RBFOX1: variants seen among roughly 807,000 people sequenced by gnomAD.
RBFOX1 encodes RNA binding fox-1 homolog 1.
A neutral mutation model predicts 57.7 loss-of-function variants in RBFOX1; 8 were observed. The ratio of observed to expected loss-of-function variants is 0.14; its 90% CI spans 0.08 to 0.25. The LOEUF is 0.25. Among genes scored for constraint, RBFOX1 ranks in the 10% least tolerant of loss-of-function variants. RBFOX1 has a pLI of 1.00. For synonymous variants in RBFOX1, 326 were observed against 222.4 expected, an observed-to-expected ratio of 1.47 and a Z score of -4.15; for missense variants, 611 against 548.5, an observed-to-expected ratio of 1.11 and a Z score of -1.14.
intron 5 of RBFOX1, among the ~76,000 whole-genome samples, chr16:7,571,505 A>G (rs1181194868): frequency 6.6e-6 from 1 of 152,196 alleles, no homozygotes; most frequent in African/African-American, 2.4e-5. Context: ...GTTCTTTATT[A>G]AGGTCTTTGT....
chr16:6,040,026 A>G (rs2152412869), intron 1 of RBFOX1, among the ~76,000 whole-genome samples: 1 of 152,322 alleles, frequency 6.6e-6, no homozygotes, highest in East Asian at 1.9e-4. Context: ...GGAGAGAGAG[A>G]GAGTCCATGA....
At chr16:6,978,343 G>A (rs958950711) in intron 3 of RBFOX1, among the ~76,000 whole-genome samples, 7 of 152,156 alleles carry the variant, frequency 4.6e-5, no homozygotes, top group Non-Finnish European at 1.0e-4. Context: ...TCTATTTTGG[G>A]CTGGTCTTTA....
chr16:7,623,599 T>C (rs2059636857), intron 10 of RBFOX1, among the ~76,000 whole-genome samples: 1 of 152,196 alleles, frequency 6.6e-6, no homozygotes, highest in Non-Finnish European at 1.5e-5. Flanking sequence ...GAGGAGCGGC[T>C]GTCAATACAC....
At chr16:5,895,898 G>A (rs1347828095) in intron 4 of RBFOX1, among the ~76,000 whole-genome samples, 1 of 152,132 alleles carries the variant, frequency 6.6e-6, no homozygotes, top group African/African-American at 2.4e-5. Flanking sequence ...ATGTTCCCAA[G>A]AGGCACATTT....
intron 3 of RBFOX1, among the ~76,000 whole-genome samples, chr16:6,916,803 CG>C (rs2153446423): frequency 1.3e-5 from 2 of 152,188 alleles, no homozygotes; most frequent in South Asian, 4.2e-4. Flanking sequence ...GTTCAAACTT[CG>C]AAGTTTGAAT....
intron 1 of RBFOX1, among the ~76,000 whole-genome samples, chr16:5,242,058 G>A (rs1326682359): frequency 6.6e-6 from 1 of 152,108 alleles, no homozygotes; most frequent in Non-Finnish European, 1.5e-5. Context: ...CAGCTGCAGT[G>A]AGCTGTCATC....
Position 7,045,899 on chromosome 16 carries a change from C to G in RBFOX1, c.-15-6158C>G, listed in dbSNP as rs986511959. Among the ~76,000 whole-genome samples the G allele has an allele frequency of 2.6e-5, 4 of 152,168 alleles. No homozygotes were observed. In the South Asian group the frequency reaches 6.2e-4, roughly 24 times the overall value. On this transcript the variant is annotated intron_variant, in intron 3 of 15. Transcript: ENST00000550418. The stretch of plus-strand genomic sequence containing the variant: ...TCTGGAACTCCTGACCTCAGATGAT[C>G]TGCCCACCTCGGCCTCCCAAAGTGC...
intron 1 of RBFOX1, among the ~76,000 whole-genome samples, chr16:6,243,855 G>A (rs142824954): frequency 5.9e-5 from 9 of 152,286 alleles, no homozygotes; most frequent in African/African-American, 1.4e-4. Flanking sequence ...ACCATCCAGA[G>A]GGGAGTATAT....
At chr16:6,797,302 C>T (rs966182596) in intron 3 of RBFOX1, among the ~76,000 whole-genome samples, 2 of 152,084 alleles carry the variant, frequency 1.3e-5, no homozygotes, top group African/African-American at 2.4e-5. Flanking sequence ...AATCTCTATA[C>T]AAAGTTACCG....
rs181090992 is a variant in RBFOX1 at position 5,649,281 on chromosome 16, G to C, written c.318+50320G>C. 1.7e-3 allele frequency among the ~76,000 whole-genome samples: 265 copies of C among 152,074 alleles called. 4 individuals carry two copies. Among genetic ancestry groups the C allele is most frequent in the East Asian group, 0.01 (53 of 5,118 alleles). ...CCTCCTGGGTTCAAGCGATTCTCTTGTCTCACCCTCCCAAGTAGCTGGGAA... is the reference window on the plus strand; with the variant it reads ...CCTCCTGGGTTCAAGCGATTCTCTTCTCTCACCCTCCCAAGTAGCTGGGAA... On this transcript the variant is annotated intron_variant, in intron 3 of 19. Transcript: ENST00000641259.
chr16:6,296,761 AG>A (rs2078164179), intron 1 of RBFOX1, among the ~76,000 whole-genome samples: 1 of 152,118 alleles, frequency 6.6e-6, no homozygotes, highest in South Asian at 2.1e-4. Flanking sequence ...TGGCACTGTT[AG>A]TGATCAGATC....
chr16:7,085,083 C>G (rs753531949), intron 4 of RBFOX1, among the ~76,000 whole-genome samples: 1 of 148,134 alleles, frequency 6.8e-6, no homozygotes, highest in Non-Finnish European at 1.5e-5. Context: ...TCTATATGAA[C>G]GCCGTATCTA....
chr16:5,443,650 C>G (rs1399665626), intron 1 of RBFOX1, among the ~76,000 whole-genome samples: 1 of 152,148 alleles, frequency 6.6e-6, no homozygotes, highest in East Asian at 1.9e-4. Context: ...CATCTGAATT[C>G]TTAACCACTC....
At chr16:6,898,052 T>C (rs1315641150) in intron 3 of RBFOX1, among the ~76,000 whole-genome samples, 2 of 152,212 alleles carry the variant, frequency 1.3e-5, no homozygotes, top group African/African-American at 2.4e-5. Context: ...TCGGTGTTTA[T>C]ATAATGCCTG....
intron 2 of RBFOX1, among the ~76,000 whole-genome samples, chr16:6,555,641 C>T (rs1028707225): frequency 2.6e-5 from 4 of 151,752 alleles, no homozygotes; most frequent in Admixed American, 6.6e-5. Flanking sequence ...CAGAGCTTGC[C>T]GTGAGCCAAG....
intron 3 of RBFOX1, among the ~76,000 whole-genome samples, chr16:5,779,426 G>C (rs1414412061): frequency 3.3e-5 from 5 of 152,132 alleles, no homozygotes; most frequent in African/African-American, 1.2e-4. Flanking sequence ...ATTCCATTCA[G>C]CACATAAAAA....
chr16:7,615,288 G>T (rs1168490212), intron 10 of RBFOX1, among the ~76,000 whole-genome samples: 1 of 151,950 alleles, frequency 6.6e-6, no homozygotes, highest in African/African-American at 2.4e-5. Flanking sequence ...AGCTGAGATC[G>T]TGCCACTGCA....
At chr16:6,446,332 T>G (rs4786869) in intron 2 of RBFOX1, among the ~76,000 whole-genome samples, 80,797 of 151,914 alleles carry the variant, frequency 0.53, 21,673 homozygotes, top group East Asian at 0.68. Context: ...ATTATTGGTT[T>G]CTGGAGTATT....
At chr16:7,225,428 C>G (rs149683620) in intron 4 of RBFOX1, among the ~76,000 whole-genome samples, 406 of 152,136 alleles carry the variant, frequency 2.7e-3, no homozygotes, top group Non-Finnish European at 4.4e-3. Flanking sequence ...TCTTGTCTGC[C>G]ACCACATCAG....
Sources: gnomAD v4.1 joint callset for allele counts (sites outside exome capture counted in the v4.1 genomes callset) on GRCh38, gnomAD v4.1.1 for gene constraint, MANE v1.5 for transcripts, NCBI Gene and HGNC (gene_info 2026-07-23, HGNC 2026-07-21) for gene names.